The following STAC variants were observed in gnomAD, a reference collection of about 807,000 sequenced individuals.
STAC encodes SH3 and cysteine-rich domain-containing protein.
A neutral mutation model predicts 48.8 loss-of-function variants in STAC; 43 were observed. The ratio of observed to expected loss-of-function variants is 0.88; its 90% confidence interval spans 0.69 to 1.14. STAC has a LOEUF of 1.14. STAC is among the 50% of genes most tolerant of loss of function. The probability of loss-of-function intolerance (pLI) is 0.00; values close to 1 mark genes in which losing one functional copy is unlikely to be tolerated. For synonymous variants in STAC, 193 were observed against 179.5 expected, an observed-to-expected ratio of 1.07 and a Z score of -0.60; for missense variants, 497 against 504.0, an observed-to-expected ratio of 0.99 and a Z score of 0.13.
intron 2 of STAC, among the ~76,000 whole-genome samples, chr3:36,482,628 C>T (rs985933453): frequency 1.3e-5 from 2 of 152,198 alleles, no homozygotes; most frequent in East Asian, 3.9e-4. Flanking sequence ...GAAGAAAATA[C>T]ATCAAATTTC....
chr3:36,408,885 C>T (rs1443702007), intron 1 of STAC, among the ~76,000 whole-genome samples: 1 of 152,134 alleles, frequency 6.6e-6, no homozygotes, highest in Non-Finnish European at 1.5e-5. Flanking sequence ...CATATACCTC[C>T]AGTTGTAAAC....
At chr3:36,386,681 C>T (rs1699623386) in intron 1 of STAC, among the ~76,000 whole-genome samples, 1 of 152,012 alleles carries the variant, frequency 6.6e-6, no homozygotes, top group Non-Finnish European at 1.5e-5. Context: ...TTTTGCTATC[C>T]ATAAATAATT....
intron 1 of STAC, among the ~76,000 whole-genome samples, chr3:36,438,286 T>C (rs1696217509): frequency 6.6e-6 from 1 of 152,186 alleles, no homozygotes; most frequent in Non-Finnish European, 1.5e-5. Context: ...GCTAGGATGA[T>C]TACATGAAGT....
chr3:36,507,538 A>G (rs1412467506), intron 8 of STAC, among the ~76,000 whole-genome samples: 5 of 152,168 alleles, frequency 3.3e-5, no homozygotes, highest in South Asian at 2.1e-4. Flanking sequence ...CTATGATTCC[A>G]TCTGGTCCTG....
At chr3:36,498,061 A>T (rs1268581826) in intron 6 of STAC, among the ~76,000 whole-genome samples, 1 of 152,212 alleles carries the variant, frequency 6.6e-6, no homozygotes, top group Non-Finnish European at 1.5e-5. Context: ...CGTGATGAGT[A>T]AGTATTAGCA....
intron 2 of STAC, among the ~76,000 whole-genome samples, chr3:36,454,232 C>T (rs1168505313): frequency 6.6e-6 from 1 of 152,124 alleles, no homozygotes; most frequent in Non-Finnish European, 1.5e-5. Flanking sequence ...TCCACACTGC[C>T]CTTATGAGCT....
At chr3:36,475,490 T>C (rs779748467) in intron 2 of STAC, among the ~76,000 whole-genome samples, 18 of 152,250 alleles carry the variant, frequency 1.2e-4, no homozygotes, top group Non-Finnish European at 1.8e-4. Flanking sequence ...TAAATTGTTA[T>C]GCTTCCACAC....
chr3:36,495,487 G>T (rs1698126355), intron 6 of STAC, among the ~76,000 whole-genome samples: 1 of 152,172 alleles, frequency 6.6e-6, no homozygotes, highest in African/African-American at 2.4e-5. Context: ...TTTGACATCA[G>T]CCCTGACTCC....
chr3:36,514,704 A>G (rs1483848945), intron 8 of STAC, among the ~76,000 whole-genome samples: 1 of 152,138 alleles, frequency 6.6e-6, no homozygotes, highest in African/African-American at 2.4e-5. Flanking sequence ...TGCCTGGCAT[A>G]TACACTTAGT....
intron 1 of STAC, among the ~76,000 whole-genome samples, chr3:36,434,664 C>A (rs1472623750): frequency 6.6e-6 from 1 of 152,180 alleles, no homozygotes; most frequent in Admixed American, 6.5e-5. Context: ...CAGAACCACC[C>A]CTTTCCCATA....
intron 1 of STAC, among the ~76,000 whole-genome samples, chr3:36,441,362 G>A (rs1010240484): frequency 6.6e-6 from 1 of 151,744 alleles, no homozygotes; most frequent in Non-Finnish European, 1.5e-5. Context: ...TTCTTTTCCT[G>A]GCTTATTTTA....
chr3:36,536,531 TG>T (rs1346739168), intron 10 of STAC, among the ~76,000 whole-genome samples: 16 of 152,098 alleles, frequency 1.1e-4, no homozygotes, highest in Non-Finnish European at 2.1e-4. Flanking sequence ...GCTTGGGAAG[TG>T]GGCTAGCCAT....
intron 2 of STAC, among the ~76,000 whole-genome samples, chr3:36,468,976 A>G (rs2125689872): frequency 6.6e-6 from 1 of 151,954 alleles, no homozygotes; most frequent in East Asian, 1.9e-4. Flanking sequence ...AGTTTATGTG[A>G]GTCCTTATGT....
At chr3:36,478,881 G>C (rs984435849) in intron 2 of STAC, among the ~76,000 whole-genome samples, 4 of 152,072 alleles carry the variant, frequency 2.6e-5, no homozygotes, top group African/African-American at 9.7e-5. Flanking sequence ...CACCCATCTT[G>C]GCCTCCCAAA....
intron 1 of STAC, among the ~76,000 whole-genome samples, chr3:36,413,026 T>C (rs1401494944): frequency 1.3e-5 from 2 of 152,216 alleles, no homozygotes; most frequent in African/African-American, 2.4e-5. Context: ...TTGATTGCAC[T>C]GTGGTCTGAG....
intron 8 of STAC, among the ~76,000 whole-genome samples, chr3:36,516,638 A>G (rs547593340): frequency 5.3e-5 from 8 of 152,352 alleles, no homozygotes; most frequent in African/African-American, 1.4e-4. Flanking sequence ...AGAGCAGGAC[A>G]GCAAGCTGGC....
chr3:36,528,342 G>A (rs1354073920), intron 8 of STAC, among the ~76,000 whole-genome samples: 1 of 152,044 alleles, frequency 6.6e-6, no homozygotes, highest in African/African-American at 2.4e-5. Flanking sequence ...GGTGGCAGAT[G>A]CCTGTAATCC....
intron 2 of STAC, among the ~76,000 whole-genome samples, chr3:36,472,386 A>G: frequency 6.6e-6 from 1 of 152,192 alleles, no homozygotes; most frequent in Non-Finnish European, 1.5e-5. Flanking sequence ...CATTTTCCCC[A>G]TGGTCTTGGG....
chr3:36,406,312 A>G (rs59642579), intron 1 of STAC, among the ~76,000 whole-genome samples: 3,538 of 152,328 alleles, frequency 0.023, 60 homozygotes, highest in Non-Finnish European at 0.026. Flanking sequence ...GGGAGATGTT[A>G]AACTGCAGTG....
Sources: allele counts gnomAD v4.1 joint callset (sites outside exome capture counted in the v4.1 genomes callset), GRCh38; gene constraint gnomAD v4.1.1; transcripts MANE v1.5; gene names NCBI Gene and HGNC (gene_info 2026-07-23, HGNC 2026-07-21).